Variants in IDO1 observed in about 807,000 individuals in gnomAD.
IDO1 encodes indoleamine 2,3-dioxygenase 1, also known as indolamine 2,3 dioxygenase.
Under a neutral mutation model 38.8 loss-of-function variants are expected in IDO1, and 35 were observed. The observed-to-expected ratio is 0.90, with a 90% CI of 0.69 to 1.20. The LOEUF is 1.20. Among genes scored for constraint, IDO1 ranks in the 50% most tolerant of loss-of-function variants. The probability of loss-of-function intolerance (pLI) is 0.00; values close to 1 mark genes in which losing one functional copy is unlikely to be tolerated. For missense variants in IDO1, 509 were observed against 485.1 expected (o/e 1.05, Z -0.46); for synonymous variants, 171 against 170.0 (o/e 1.01, Z -0.05).
chr8:39,928,217 C>A lies in IDO1; in HGVS notation c.*32C>A. ...CCAACAAGAGCACATTTTATCATAGCAGAGACATCTGTATGCATTCCTGTC... is the reference window on the plus strand; with the variant it reads ...CCAACAAGAGCACATTTTATCATAGAAGAGACATCTGTATGCATTCCTGTC... On this transcript the variant is annotated 3_prime_UTR_variant, in exon 10 of 10. Transcript: ENST00000518237. 1.4e-6 allele frequency: 2 copies of A among 1,459,220 alleles called. No homozygotes were observed. Among genetic ancestry groups the A allele is most frequent in the Non-Finnish European group, 1.9e-6 (2 of 1,060,646 alleles). The allele number at this position is 1,459,220 out of a possible 1,614,324, so 90.4% of individuals were successfully genotyped here. A position where few individuals can be genotyped will look rare whatever the true frequency, so the allele number is the denominator to read the frequency against.
intron 7 of IDO1, among the ~76,000 whole-genome samples, chr8:39,924,245 A>G (rs79443225): frequency 0.014 from 2,110 of 152,142 alleles, 54 homozygotes; most frequent in African/African-American, 0.048. Flanking sequence ...TCATATGTGT[A>G]GTTTCCAGCT....
In IDO1 at chr8:39,923,527, C is replaced by A; in HGVS notation, c.596C>A (p.Ala199Glu). The A allele has an allele frequency of 6.2e-7, 1 of 1,613,574 alleles. No individual in the cohort carries two copies. The highest frequency in any genetic ancestry group is 8.5e-7 in the Non-Finnish European group (1 of 1,179,568). Residue 199 changes from alanine (A) to glutamate (E), a missense_variant, in exon 7 of 10, where the codon GCG becomes GAG. Coordinates refer to ENST00000518237, the MANE Select transcript of IDO1 (RefSeq NM_002164.6). ...CAAGAACGGGACACTTTGCTAAAGG[C>A]GCTGTTGGAAATAGCTTCTTGCTTG... ...QMQERDTLLK[A>E]LLEIASCLEK...
intron 4 of IDO1, 115 bp downstream of exon 4, chr8:39,919,048 G>A: frequency 1.3e-6 from 1 of 769,166 alleles, no homozygotes; most frequent in Non-Finnish European, 2.4e-6. Context: ...GCTGGGTATG[G>A]TTCCTCTCAG....
chr8:39,926,334 A>C (rs926749320), intron 9 of IDO1, among the ~76,000 whole-genome samples: 5 of 152,210 alleles, frequency 3.3e-5, no homozygotes, highest in African/African-American at 1.2e-4. Context: ...TGCTCTGAAA[A>C]TGTATGATCA....
chr8:39,923,569 T>C lies in IDO1; in HGVS notation c.638T>C (p.Val213Ala), dbSNP rs376530940. Reference sequence around the variant, plus strand: ...TCTTGCTTGGAGAAAGCCCTTCAAGTGTTTCACCAAATCCACGGCAAGTGT... The same window carrying C: ...TCTTGCTTGGAGAAAGCCCTTCAAGCGTTTCACCAAATCCACGGCAAGTGT... ...IASCLEKALQ[V>A]FHQIHDHVNP... Residue 213 changes from valine (V) to alanine (A), a missense_variant, in exon 7 of 10, where the codon GTG becomes GCG. Transcript: ENST00000518237. The C allele has an allele frequency of 2.4e-5, 38 of 1,607,802 alleles. No homozygotes were observed. In the African/African-American group the frequency reaches 4.5e-4, roughly 19 times the overall value.
chr8:39,917,798 G>A, intron 1 of IDO1, 77 bp from the exon 2 acceptor site: 3 of 893,898 alleles, frequency 3.4e-6, no homozygotes, highest in Admixed American at 2.1e-5. Flanking sequence ...GGATGTGAAG[G>A]CAAGGCATAC....
chr8:39,920,292 T>C (rs1807252145), intron 5 of IDO1, among the ~76,000 whole-genome samples, 178 bp downstream of exon 5: 1 of 152,224 alleles, frequency 6.6e-6, no homozygotes, highest in South Asian at 2.1e-4. Flanking sequence ...TATGATTGTG[T>C]TACAACTATG....
chr8:39,917,737 C>A (rs1468152130), intron 1 of IDO1, 138 bp from the exon 2 acceptor site: 2 of 619,374 alleles, frequency 3.2e-6, no homozygotes, highest in African/African-American at 3.7e-5. Flanking sequence ...AAGACAGAGG[C>A]TGGTGTTTCC....
chr8:39,920,338 A>C (rs1485110174), intron 5 of IDO1, among the ~76,000 whole-genome samples: 2 of 152,262 alleles, frequency 1.3e-5, no homozygotes, highest in African/African-American at 4.8e-5. Context: ...ATATACAAGA[A>C]TACTACTCAA....
At chr8:39,919,802 T>C (rs2129592230) in intron 4 of IDO1, among the ~76,000 whole-genome samples, 1 of 152,308 alleles carries the variant, frequency 6.6e-6, no homozygotes, top group East Asian at 1.9e-4. Context: ...TTCGTGCCAC[T>C]GCACACCAGC....
chr8:39,927,688 A>T (rs1807387521), intron 9 of IDO1, 142 bp from the exon 10 acceptor site: 1 of 450,922 alleles, frequency 2.2e-6, no homozygotes, highest in African/African-American at 2.0e-5. Context: ...ATAGCCAAAC[A>T]TTAGCCTTCA....
chr8:39,922,505 C>T (rs765471415), intron 5 of IDO1, 47 bp from the exon 6 acceptor site: 2 of 1,144,396 alleles, frequency 1.7e-6, no homozygotes, highest in Non-Finnish European at 2.7e-6. Context: ...AAAAAATATC[C>T]CATAATTTTT....
chr8:39,927,730 T>C (rs2129592519), intron 9 of IDO1, 100 bp from the exon 10 acceptor site: 1 of 635,602 alleles, frequency 1.6e-6, no homozygotes, highest in South Asian at 2.6e-5. Context: ...GTGAATGCTA[T>C]ATTGGTGATC....
rs1447875042 is a variant in IDO1 at position 39,918,166 on chromosome 8, A to G, written c.262A>G (p.Met88Val). Residue 88 changes from methionine to valine, a missense_variant, in exon 3 of 10, where the codon ATG becomes GTG. By Grantham distance (21) the Met-to-Val change is conservative. Coordinates refer to ENST00000518237, the MANE Select transcript of IDO1 (RefSeq NM_002164.6). The part of the protein sequence containing the change: ...LARLVLGCIT[M>V]AYVWGKGHGD... ...ACGTCTAGTTCTGGGATGCATCACC[A>G]TGGCATATGTGTGGGGCAAAGGTCA... The G allele has an allele frequency of 3.1e-6, 5 of 1,613,972 alleles. No homozygotes were observed. Among genetic ancestry groups the G allele is most frequent in the East Asian group, 4.5e-5 (2 of 44,878 alleles).
At chr8:39,914,512 G>A (rs1405106794) in intron 1 of IDO1, among the ~76,000 whole-genome samples, 1 of 152,122 alleles carries the variant, frequency 6.6e-6, no homozygotes, top group African/African-American at 2.4e-5. Context: ...GTTATTTACT[G>A]AGCGTAAGAT....
intron 4 of IDO1, 45 bp downstream of exon 4, chr8:39,918,978 G>A (rs765927337): frequency 1.2e-5 from 14 of 1,161,362 alleles, no homozygotes; most frequent in South Asian, 2.4e-5. Flanking sequence ...AGTGTGTGCC[G>A]ATTAAATAAA....
rs780708858 is a variant in IDO1, at chr8:39,925,321, T to C, written c.806T>C (p.Val269Ala). Residue 269 changes from valine (V) to alanine (A), a missense_variant, in exon 9 of 10, where the codon GTC (valine) becomes GCC (alanine). Transcript: ENST00000518237. ...FAGGSAGQSS[V>A]FQCFDVLLGI... ...GGGGGCAGTGCAGGCCAAAGCAGCGTCTTTCAGTGCTTTGACGTCCTGCTG... is the reference window on the plus strand; with the variant it reads ...GGGGGCAGTGCAGGCCAAAGCAGCGCCTTTCAGTGCTTTGACGTCCTGCTG... The C allele has an allele frequency of 6.2e-7, 1 of 1,613,248 alleles. No homozygotes were observed. The highest frequency in any genetic ancestry group is 8.5e-7 in the Non-Finnish European group (1 of 1,179,648).
chr8:39,914,874 T>C (rs1807150667), intron 1 of IDO1, among the ~76,000 whole-genome samples: 1 of 152,200 alleles, frequency 6.6e-6, no homozygotes, highest in African/African-American at 2.4e-5. Flanking sequence ...CAAGCGATTC[T>C]CCTGCCTCAG....
intron 5 of IDO1, among the ~76,000 whole-genome samples, chr8:39,921,698 T>C (rs1420462899): frequency 6.6e-6 from 1 of 152,080 alleles, no homozygotes; most frequent in African/African-American, 2.4e-5. Flanking sequence ...ACCACAAAAC[T>C]CATAGATATA....
Sources: allele counts gnomAD v4.1 joint callset (sites outside exome capture counted in the v4.1 genomes callset), GRCh38; gene constraint gnomAD v4.1.1; transcripts MANE v1.5; gene names NCBI Gene and HGNC (gene_info 2026-07-23, HGNC 2026-07-21).